The following NEBL variants were observed in gnomAD, a reference collection of about 807,000 sequenced individuals.
The protein encoded by NEBL is nebulette.
In NEBL, 122 loss-of-function variants were observed where a neutral mutation model predicts 140.2. The ratio of observed to expected loss-of-function variants is 0.87; its 90% CI spans 0.75 to 1.01. The LOEUF (loss-of-function observed/expected upper bound fraction) is 1.01, where lower values mean the gene tolerates loss of function less well. Among genes scored for constraint, NEBL ranks in the 50% least tolerant of loss-of-function variants. NEBL has a pLI of 0.00. For synonymous variants in NEBL, 436 were observed against 398.9 expected, an observed-to-expected ratio of 1.09 and a Z score of -1.11; for missense variants, 1,365 against 1,231.3, an observed-to-expected ratio of 1.11 and a Z score of -1.62.
intron 1 of NEBL, among the ~76,000 whole-genome samples, chr10:21,277,726 G>C (rs1362393922): frequency 6.6e-6 from 1 of 152,186 alleles, no homozygotes; most frequent in Non-Finnish European, 1.5e-5. Context: ...TGATTCTTCT[G>C]ACACAATGCT....
chr10:21,205,608 T>C (rs1841811844), intron 3 of NEBL, among the ~76,000 whole-genome samples: 1 of 152,142 alleles, frequency 6.6e-6, no homozygotes, highest in Non-Finnish European at 1.5e-5. Context: ...GACAAAATTC[T>C]GAAAGAATAT....
At chr10:20,875,900 G>T (rs1239858012) in intron 5 of NEBL, among the ~76,000 whole-genome samples, 7 of 152,192 alleles carry the variant, frequency 4.6e-5, no homozygotes, top group Admixed American at 2.0e-4. Flanking sequence ...GGCAAATCAT[G>T]TAACTGGTAT....
chr10:20,812,251 A>G (rs1214474542), intron 24 of NEBL, among the ~76,000 whole-genome samples: 1 of 152,168 alleles, frequency 6.6e-6, no homozygotes, highest in Non-Finnish European at 1.5e-5. Context: ...AAAGAAAAAC[A>G]AAGTAATTGT....
intron 4 of NEBL, among the ~76,000 whole-genome samples, chr10:20,913,910 T>C (rs1848430967): frequency 6.6e-6 from 1 of 152,218 alleles, no homozygotes; most frequent in East Asian, 1.9e-4. Flanking sequence ...TTAGCCTTTT[T>C]TGTGCTCAAT....
chr10:20,861,240 C>T (rs921648808), intron 7 of NEBL, among the ~76,000 whole-genome samples: 9 of 152,122 alleles, frequency 5.9e-5, no homozygotes, highest in African/African-American at 1.9e-4. Context: ...TGCAGTGGCA[C>T]GATCTCAGCT....
intron 18 of NEBL, among the ~76,000 whole-genome samples, chr10:20,825,541 C>T (rs1363952973): frequency 6.6e-6 from 1 of 151,878 alleles, no homozygotes; most frequent in Non-Finnish European, 1.5e-5. Flanking sequence ...GTGGTGTGTG[C>T]CTGTAATCCC....
chr10:21,012,356 T>A (rs114053180), intron 3 of NEBL, among the ~76,000 whole-genome samples: 1,855 of 151,702 alleles, frequency 0.012, 37 homozygotes, highest in African/African-American at 0.041. Flanking sequence ...ATATATATAT[T>A]TATTTATTTA....
chr10:21,227,716 T>TCTTC (rs1455556914), intron 3 of NEBL, among the ~76,000 whole-genome samples: 2 of 101,982 alleles, frequency 2.0e-5, no homozygotes, highest in African/African-American at 9.6e-5. Flanking sequence ...TCTTCTTTCT[T>TCTTC]CTTCTTCTTC....
intron 1 of NEBL, among the ~76,000 whole-genome samples, chr10:21,283,092 T>C (rs1843012574): frequency 6.8e-6 from 1 of 148,094 alleles, no homozygotes; most frequent in South Asian, 2.1e-4. Flanking sequence ...GCAGAGATCA[T>C]GCCACTGCAC....
chr10:20,794,733 A>AATAATAT (rs1304961127), intron 26 of NEBL, among the ~76,000 whole-genome samples: 1 of 152,210 alleles, frequency 6.6e-6, no homozygotes, highest in Admixed American at 6.5e-5. Flanking sequence ...ATAAAAGTTT[A>AATAATAT]ATAATATAAG....
intron 2 of NEBL, among the ~76,000 whole-genome samples, chr10:21,061,748 C>T (rs1835316436): frequency 6.6e-6 from 1 of 152,044 alleles, no homozygotes; most frequent in Admixed American, 6.5e-5. Flanking sequence ...TGGTTGTGAC[C>T]TCCTCAGCCT....
chr10:21,104,272 C>A (rs900685186), intron 2 of NEBL, among the ~76,000 whole-genome samples: 2 of 152,084 alleles, frequency 1.3e-5, no homozygotes, highest in African/African-American at 4.8e-5. Context: ...AAACAAAGAG[C>A]CTTCTGGAAT....
At chr10:21,220,692 A>G (rs929188348) in intron 3 of NEBL, among the ~76,000 whole-genome samples, 2 of 152,260 alleles carry the variant, frequency 1.3e-5, no homozygotes, top group South Asian at 2.1e-4. Context: ...AAAGGAAACA[A>G]TCAACAGAGT....
intron 2 of NEBL, among the ~76,000 whole-genome samples, chr10:21,038,415 T>C (rs186110438): frequency 1.3e-5 from 2 of 152,316 alleles, no homozygotes; most frequent in African/African-American, 4.8e-5. Context: ...CCTGTGTCCA[T>C]GTGTTCTCAT....
At chr10:20,858,212 T>TA (rs777730089) in intron 9 of NEBL, 28 bp downstream of exon 9, 1 of 1,528,800 alleles carries the variant, frequency 6.5e-7, no homozygotes, top group Non-Finnish European at 9.1e-7. Flanking sequence ...ACAAGGCAAC[T>TA]ACGGTTGCCG....
At chr10:20,973,991 A>G (rs1488117473) in intron 3 of NEBL, among the ~76,000 whole-genome samples, 1 of 152,174 alleles carries the variant, frequency 6.6e-6, no homozygotes, top group Non-Finnish European at 1.5e-5. Flanking sequence ...CAGTATCCTC[A>G]AAATTCTCAT....
At chr10:21,101,750 A>C (rs940431523) in intron 2 of NEBL, among the ~76,000 whole-genome samples, 4 of 152,186 alleles carry the variant, frequency 2.6e-5, no homozygotes, top group Non-Finnish European at 5.9e-5. Context: ...CACGCCACTA[A>C]AACAACTTTG....
intron 3 of NEBL, among the ~76,000 whole-genome samples, chr10:20,995,331 A>G (rs1471330819): frequency 6.6e-6 from 1 of 152,180 alleles, no homozygotes; most frequent in Non-Finnish European, 1.5e-5. Flanking sequence ...TTTCTTGGGA[A>G]GGCAACAGAT....
chr10:21,086,643 T>C (rs866332704), intron 2 of NEBL, among the ~76,000 whole-genome samples: 2 of 152,204 alleles, frequency 1.3e-5, no homozygotes, highest in Admixed American at 6.5e-5. Flanking sequence ...TCATGTGTGG[T>C]GGTGTGCACC....
Sources: gnomAD v4.1 joint callset for allele counts (sites outside exome capture counted in the v4.1 genomes callset) on GRCh38, gnomAD v4.1.1 for gene constraint, MANE v1.5 for transcripts, NCBI Gene and HGNC (gene_info 2026-07-23, HGNC 2026-07-21) for gene names.